The following LRGUK variants were observed in gnomAD, a reference collection of about 807,000 sequenced individuals.
LRGUK encodes the protein leucine rich repeats and guanylate kinase domain containing, also known as leucine-rich repeat and guanylate kinase domain-containing protein.
In LRGUK, 65 loss-of-function variants were observed where a neutral mutation model predicts 76.0. The observed-to-expected ratio is 0.85, with a 90% confidence interval of 0.70 to 1.05. The LOEUF (loss-of-function observed/expected upper bound fraction) is 1.05, where lower values mean the gene tolerates loss of function less well. Among genes scored for constraint, LRGUK ranks in the 50% least tolerant of loss-of-function variants. The pLI, the probability that LRGUK is intolerant of heterozygous loss-of-function variation, is 0.00. For missense variants in LRGUK, 758 were observed against 732.8 expected (o/e 1.03, Z -0.40); for synonymous variants, 268 against 265.6 (o/e 1.01, Z -0.09).
At chr7:134,228,654 T>C (rs1190565551) in intron 16 of LRGUK, among the ~76,000 whole-genome samples, 1 of 152,116 alleles carries the variant, frequency 6.6e-6, no homozygotes, top group Non-Finnish European at 1.5e-5. Context: ...TTAATTAAAA[T>C]ATAGAAATTA....
chr7:134,229,573 T>C (rs148352879), intron 16 of LRGUK, among the ~76,000 whole-genome samples: 2 of 152,290 alleles, frequency 1.3e-5, no homozygotes, highest in East Asian at 3.9e-4. Flanking sequence ...GGCTCCATAT[T>C]CCATATTATA....
At chr7:134,149,084 T>C (rs1034658742) in intron 5 of LRGUK, among the ~76,000 whole-genome samples, 2 of 143,158 alleles carry the variant, frequency 1.4e-5, no homozygotes, top group Non-Finnish European at 3.0e-5. Flanking sequence ...TTTTCTAGTG[T>C]ATTTTAAATA....
chr7:134,265,795 C>T (rs1297896074), downstream of LRGUK, among the ~76,000 whole-genome samples: 1 of 152,178 alleles, frequency 6.6e-6, no homozygotes, highest in East Asian at 1.9e-4. Flanking sequence ...CACTTGGGGG[C>T]CCTGGACCTA....
chr7:134,162,903 G>A (rs527443271), intron 6 of LRGUK, among the ~76,000 whole-genome samples: 8 of 151,534 alleles, frequency 5.3e-5, no homozygotes, highest in African/African-American at 1.7e-4. Flanking sequence ...TGGCTCATTG[G>A]AGAATGCTAA....
At chr7:134,221,311 A>T (rs1801590395) in intron 15 of LRGUK, among the ~76,000 whole-genome samples, 4 of 152,224 alleles carry the variant, frequency 2.6e-5, no homozygotes, top group Admixed American at 2.6e-4. Flanking sequence ...TGAACATTCT[A>T]ACATCTTAAA....
At chr7:134,266,300 C>A, downstream of LRGUK, among the ~76,000 whole-genome samples, 1 of 152,102 alleles carries the variant, frequency 6.6e-6, no homozygotes, top group East Asian at 1.9e-4. Flanking sequence ...ATGCCCACAC[C>A]AAAATGACAC....
At chr7:134,180,162 T>C (rs941951404) in intron 10 of LRGUK, among the ~76,000 whole-genome samples, 2 of 152,220 alleles carry the variant, frequency 1.3e-5, no homozygotes, top group African/African-American at 4.8e-5. Context: ...GCCCCAGTTT[T>C]AGTGAAAAAT....
intron 8 of LRGUK, 150 bp downstream of exon 8, chr7:134,174,786 G>A: frequency 3.3e-6 from 2 of 601,936 alleles, no homozygotes; most frequent in Non-Finnish European, 5.9e-6. Context: ...TCTAAGGAAG[G>A]GTTTAGTAGT....
intron 5 of LRGUK, among the ~76,000 whole-genome samples, chr7:134,149,804 C>T (rs1798130588): frequency 6.6e-6 from 1 of 152,170 alleles, no homozygotes; most frequent in Non-Finnish European, 1.5e-5. Flanking sequence ...CTGGCTCAGA[C>T]ATCCATTTAT....
chr7:134,245,872 TA>T (rs1802287968), intron 16 of LRGUK, among the ~76,000 whole-genome samples: 1 of 152,188 alleles, frequency 6.6e-6, no homozygotes, highest in African/African-American at 2.4e-5. Context: ...TCAAGCTATT[TA>T]GATATATTCA....
At chr7:134,245,163 T>C (rs1008958387) in intron 16 of LRGUK, among the ~76,000 whole-genome samples, 5 of 152,146 alleles carry the variant, frequency 3.3e-5, no homozygotes, top group Non-Finnish European at 7.4e-5. Context: ...TGTGCACATG[T>C]ACCCTAGAAC....
At chr7:134,140,142 G>C (rs1797711042) in intron 3 of LRGUK, among the ~76,000 whole-genome samples, 1 of 151,822 alleles carries the variant, frequency 6.6e-6, no homozygotes, top group Non-Finnish European at 1.5e-5. Flanking sequence ...CTAATTTTTT[G>C]TATTTCTAGT....
chr7:134,232,078 A>G (rs941914031), intron 16 of LRGUK, among the ~76,000 whole-genome samples: 3 of 152,144 alleles, frequency 2.0e-5, no homozygotes, highest in African/African-American at 7.2e-5. Flanking sequence ...TGCAGACACT[A>G]GAACAATATG....
chr7:134,211,683 C>T (rs1486268146), downstream of LRGUK, among the ~76,000 whole-genome samples: 1 of 152,162 alleles, frequency 6.6e-6, no homozygotes, highest in African/African-American at 2.4e-5. Flanking sequence ...TTTATTATGC[C>T]AAACCATCTG....
Position 134,127,678 on chromosome 7 carries a change from C to A in LRGUK, c.297+14C>A, listed in dbSNP as rs764401800. 4 of 1,605,584 alleles carry A rather than the reference C, an allele frequency of 2.5e-6. No homozygotes were observed. Among genetic ancestry groups the A allele is most frequent in the Non-Finnish European group, 3.4e-6 (4 of 1,175,552 alleles). ...CTGAATTTGGAGGTGTGTCTTCCCC[C>A]CCACCCCGTACTCCCTGGCTCCCTC... is the stretch of plus-strand genomic sequence containing the variant. On this transcript the variant is annotated intron_variant, in intron 1 of 15. Transcript: ENST00000645682.
chr7:134,235,611 G>T (rs900618068), intron 16 of LRGUK, among the ~76,000 whole-genome samples: 2 of 152,050 alleles, frequency 1.3e-5, no homozygotes, highest in Non-Finnish European at 2.9e-5. Flanking sequence ...TATGCTTGTT[G>T]TTGGTCTTCC....
At chr7:134,209,235 C>T in exon 16 of LRGUK, 1 of 399,098 alleles carries the variant, frequency 2.5e-6, no homozygotes, top group Non-Finnish European at 4.4e-6. Flanking sequence ...CTGTCTGAAC[C>T]TCTACAGGGA....
intron 11 of LRGUK, among the ~76,000 whole-genome samples, chr7:134,188,526 G>C (rs1224885935): frequency 6.6e-6 from 1 of 152,160 alleles, no homozygotes; most frequent in Admixed American, 6.5e-5. Flanking sequence ...ATGATAGCAT[G>C]AGTCAGAAAA....
chr7:134,141,253 A>G (rs1357050697), intron 3 of LRGUK, among the ~76,000 whole-genome samples: 1 of 152,186 alleles, frequency 6.6e-6, no homozygotes, highest in Non-Finnish European at 1.5e-5. Context: ...CTCCTGGTGC[A>G]GGCCAAACTT....
Sources: allele counts gnomAD v4.1 joint callset (sites outside exome capture counted in the v4.1 genomes callset), GRCh38; gene constraint gnomAD v4.1.1; transcripts MANE v1.5; gene names NCBI Gene and HGNC (gene_info 2026-07-23, HGNC 2026-07-21).